The following G2E3 variants were observed in gnomAD, a reference collection of about 807,000 sequenced individuals.
The protein encoded by G2E3 is G2/M phase-specific E3 ubiquitin-protein ligase.
Under a neutral mutation model 92.8 loss-of-function variants are expected in G2E3, and 35 were observed. The observed-to-expected ratio is 0.38, with a 90% CI of 0.29 to 0.50. The LOEUF (loss-of-function observed/expected upper bound fraction) is 0.50, where lower values mean the gene tolerates loss of function less well. Ranked by LOEUF, G2E3 falls within the 20% of genes least tolerant of loss-of-function variation. G2E3 has a pLI of 0.94. For synonymous variants in G2E3, 242 were observed against 272.4 expected (o/e 0.89, Z 1.10); for missense variants, 554 against 823.8 (o/e 0.67, Z 4.01).
intron 2 of G2E3, among the ~76,000 whole-genome samples, chr14:30,585,962 C>A (rs1198411997): frequency 6.6e-6 from 1 of 152,124 alleles, no homozygotes; most frequent in South Asian, 2.1e-4. Context: ...AATTTTTATT[C>A]CCTCATGTAC....
chr14:30,580,905 T>A, intron 1 of G2E3, 171 bp from the exon 2 acceptor site: 1 of 566,890 alleles, frequency 1.8e-6, no homozygotes, highest in Non-Finnish European at 3.2e-6. Context: ...TTCCCGACTC[T>A]TAACACCCCA....
At position 30,578,099 on chromosome 14, in the gene G2E3, A is replaced by AT. The variant is rs34632872; in HGVS notation, c.-4-2969dup. Among the ~76,000 whole-genome samples the AT allele has an allele frequency of 7.9e-3, 1,202 of 151,906 alleles. 7 individuals carry two copies. The highest frequency in any genetic ancestry group is 0.014 in the Admixed American group (213 of 15,236). On this transcript the variant is annotated intron_variant, in intron 1 of 14. Transcript: ENST00000206595. The stretch of plus-strand genomic sequence containing the variant: ...CAACTGAAATATGTGAATAGTACTT[A>AT]TTTTTTTTACTAAGGTTTTGTTTTG...
intron 13 of G2E3, among the ~76,000 whole-genome samples, chr14:30,612,856 C>CA (rs1566553499): frequency 6.6e-6 from 1 of 151,352 alleles, no homozygotes; most frequent in Admixed American, 6.6e-5. Context: ...GATTCCCTCT[C>CA]AAAAAAATGA....
chr14:30,585,221 A>G (rs1276423209), intron 2 of G2E3, among the ~76,000 whole-genome samples: 1 of 152,138 alleles, frequency 6.6e-6, no homozygotes, highest in African/African-American at 2.4e-5. Context: ...TTTTAGTATC[A>G]TGTGAACTCT....
At chr14:30,613,639 C>G (rs368674081) in intron 13 of G2E3, among the ~76,000 whole-genome samples, 4 of 150,978 alleles carry the variant, frequency 2.6e-5, no homozygotes, top group South Asian at 2.1e-4. Flanking sequence ...GTATCTAGAC[C>G]TTTTCATTGA....
At position 30,615,530 on chromosome 14, in the gene G2E3, G is replaced by T. The variant is rs765836158; in HGVS notation, c.1855G>T (p.Ala619Ser). The T allele has an allele frequency of 6.4e-7, 1 of 1,570,238 alleles. No homozygotes were observed. The highest frequency in any genetic ancestry group is 8.6e-7 in the Non-Finnish European group (1 of 1,156,862). ...ALGFWNSYLQ[A>S]VEDGKSTTTM... ...GGGGTTTTGGAACAGTTACTTACAGGCTGTTGAAGGTATGTGGATATTTTA... is the reference window on the plus strand; with the variant it reads ...GGGGTTTTGGAACAGTTACTTACAGTCTGTTGAAGGTATGTGGATATTTTA... Residue 619 changes from alanine (A) to serine (S), a missense_variant, in exon 14 of 15, where the codon GCT becomes TCT. This residue lies in a region of G2E3 where 397 missense variants were observed against 560.3 expected (regional missense o/e 0.71). Transcript: ENST00000206595.
chr14:30,571,515 A>T (rs1879760219), intron 1 of G2E3, among the ~76,000 whole-genome samples: 1 of 151,952 alleles, frequency 6.6e-6, no homozygotes, highest in Non-Finnish European at 1.5e-5. Context: ...ATCTTTGCCA[A>T]ACCCCAAGAT....
chr14:30,597,646 T>A, intron 7 of G2E3, 120 bp downstream of exon 7: 2 of 662,796 alleles, frequency 3.0e-6, no homozygotes. Flanking sequence ...TTTCAAATGG[T>A]GAAATGCAAA....
At chr14:30,596,135 C>CGTGT (rs59672554) in intron 6 of G2E3, among the ~76,000 whole-genome samples, 10,616 of 127,070 alleles carry the variant, frequency 0.084, 462 homozygotes, top group Middle Eastern at 0.1. Context: ...GGTGGGTGTG[C>CGTGT]GTGTGTGTGT....
intron 6 of G2E3, 60 bp downstream of exon 6, chr14:30,593,699 A>G: frequency 8.4e-7 from 1 of 1,195,806 alleles, no homozygotes; most frequent in East Asian, 2.4e-5. Flanking sequence ...TTGCTGATTT[A>G]AATTTTAAAT....
At position 30,616,579 on chromosome 14, in the gene G2E3, G is replaced by A; in HGVS notation, c.*45G>A. 1 of 1,409,774 alleles carries A rather than the reference G, an allele frequency of 7.1e-7. No homozygotes were observed. Among genetic ancestry groups the A allele is most frequent in the Non-Finnish European group, 9.8e-7 (1 of 1,021,286 alleles). 87.3% of individuals were successfully genotyped at this position (1,409,774 alleles called of 1,614,324 possible). A position where few individuals can be genotyped will look rare whatever the true frequency, so the allele number is the denominator to read the frequency against. On this transcript the variant is annotated 3_prime_UTR_variant, in exon 15 of 15. Transcript: ENST00000206595. ...AGAAGCTTCTTTAAAAGCTGCTATT[G>A]ATAACTCTCTTTTATTTCACTAACC...
chr14:30,588,178 A>G (rs545047995), intron 3 of G2E3, among the ~76,000 whole-genome samples: 2 of 151,346 alleles, frequency 1.3e-5, no homozygotes, highest in South Asian at 4.1e-4. Context: ...TAAAAAGAAA[A>G]TCTTTCCATT....
At chr14:30,560,468 G>A (rs1879027746) in intron 1 of G2E3, 1 of 274,866 alleles carries the variant, frequency 3.6e-6, no homozygotes, top group African/African-American at 2.2e-5. Context: ...GAACTTTTAA[G>A]TGTTAGCCAG....
chr14:30,563,608 T>C (rs1266086402), intron 1 of G2E3, among the ~76,000 whole-genome samples: 1 of 146,580 alleles, frequency 6.8e-6, no homozygotes, highest in Non-Finnish European at 1.5e-5. Context: ...GGTGGTAGGG[T>C]GGGGTGGGGT....
intron 1 of G2E3, among the ~76,000 whole-genome samples, chr14:30,572,910 C>T (rs1049140730): frequency 2.0e-5 from 3 of 152,030 alleles, no homozygotes; most frequent in Non-Finnish European, 2.9e-5. Context: ...AAACTTCATA[C>T]CTTCAATGCC....
intron 10 of G2E3, among the ~76,000 whole-genome samples, chr14:30,604,582 A>ATGCTGC (rs148435440): frequency 2.6e-5 from 4 of 151,678 alleles, no homozygotes; most frequent in South Asian, 2.1e-4. Context: ...TTCTGGGGTA[A>ATGCTGC]TGCTGCTGCT....
chr14:30,593,179 A>G (rs904253914), intron 5 of G2E3, among the ~76,000 whole-genome samples: 1 of 152,200 alleles, frequency 6.6e-6, no homozygotes, highest in Non-Finnish European at 1.5e-5. Flanking sequence ...GTTGAATACA[A>G]TAATGTATAT....
intron 1 of G2E3, chr14:30,574,473 G>GT (rs1879956360): frequency 6.7e-6 from 1 of 150,100 alleles, no homozygotes; most frequent in Non-Finnish European, 1.5e-5. Context: ...TTGTTACATA[G>GT]GTAAACAACA....
chr14:30,576,355 ACACAAAAAC>A lies in G2E3; in HGVS notation c.-4-4717_-4-4709del, dbSNP rs563938918. Among the ~76,000 whole-genome samples the A allele has an allele frequency of 3.3e-5, 5 of 152,350 alleles. No homozygotes were observed. In the South Asian group the frequency reaches 1.0e-3, roughly 32 times the overall value. On this transcript the variant is annotated intron_variant, in intron 1 of 14. Coordinates refer to ENST00000206595, the MANE Select transcript of G2E3 (RefSeq NM_017769.5). Reference sequence around the variant, plus strand: ...AAGCTGGACCCCTTCCTAACACCATACACAAAAACCACCTCAAGATGGATTAAAGACTTA... The same window carrying A: ...AAGCTGGACCCCTTCCTAACACCATACACCTCAAGATGGATTAAAGACTTA...
Sources: allele counts gnomAD v4.1 joint callset (sites outside exome capture counted in the v4.1 genomes callset), GRCh38; gene constraint gnomAD v4.1.1; regional missense constraint gnomAD v4.1.1; transcripts MANE v1.5; gene names NCBI Gene and HGNC (gene_info 2026-07-23, HGNC 2026-07-21).